GRXCR1: variants seen among roughly 807,000 people sequenced by gnomAD.
The protein encoded by GRXCR1 is glutaredoxin and cysteine rich domain containing 1.
Under a neutral mutation model 27.3 loss-of-function variants are expected in GRXCR1, and 27 were observed. The observed-to-expected ratio is 0.99, with a 90% confidence interval of 0.73 to 1.37. The LOEUF is 1.37. Among genes scored for constraint, GRXCR1 ranks in the 40% most tolerant of loss-of-function variants. The pLI is 0.00. For synonymous variants in GRXCR1, 122 were observed against 131.1 expected (o/e 0.93, Z 0.47); for missense variants, 379 against 354.4 (o/e 1.07, Z -0.56).
chr4:43,019,052 A>G (rs1713019283), intron 2 of GRXCR1, among the ~76,000 whole-genome samples: 1 of 152,212 alleles, frequency 6.6e-6, no homozygotes, highest in African/African-American at 2.4e-5. Flanking sequence ...CTGAAATAAA[A>G]TGGAACCAAG....
intron 2 of GRXCR1, among the ~76,000 whole-genome samples, chr4:43,003,694 T>C (rs1712459617): frequency 6.6e-6 from 1 of 152,172 alleles, no homozygotes; most frequent in Non-Finnish European, 1.5e-5. Context: ...AAATATGATT[T>C]ACAGCATCTG....
At chr4:42,954,599 G>A (rs1265794066) in intron 1 of GRXCR1, among the ~76,000 whole-genome samples, 3 of 152,078 alleles carry the variant, frequency 2.0e-5, no homozygotes, top group Non-Finnish European at 4.4e-5. Flanking sequence ...CATATGTAGA[G>A]TTCCTTTTGC....
At chr4:42,963,277 T>C in intron 2 of GRXCR1, 143 bp downstream of exon 2, 1 of 914,154 alleles carries the variant, frequency 1.1e-6, no homozygotes, top group Non-Finnish European at 1.8e-6. Flanking sequence ...TTGGAGCACT[T>C]ATTTCTGTCC....
intron 2 of GRXCR1, among the ~76,000 whole-genome samples, chr4:42,994,718 GAAGA>G (rs1327062310): frequency 6.6e-6 from 1 of 152,168 alleles, no homozygotes; most frequent in Non-Finnish European, 1.5e-5. Context: ...GAGAGTGAAG[GAAGA>G]CTTTCCTGAG....
At chr4:42,896,777 C>T (rs974775459) in intron 1 of GRXCR1, among the ~76,000 whole-genome samples, 3 of 151,996 alleles carry the variant, frequency 2.0e-5, no homozygotes, top group African/African-American at 7.2e-5. Context: ...CTTATCTCTT[C>T]AATATTTAAT....
chr4:42,964,603 A>C (rs1179766276), intron 2 of GRXCR1, among the ~76,000 whole-genome samples: 1 of 151,872 alleles, frequency 6.6e-6, no homozygotes, highest in East Asian at 1.9e-4. Flanking sequence ...CCTTTGCTCC[A>C]AGTGACAGAG....
chr4:42,924,479 G>T (rs554937313), intron 1 of GRXCR1, among the ~76,000 whole-genome samples: 106 of 152,138 alleles, frequency 7.0e-4, no homozygotes, highest in African/African-American at 2.5e-3. Context: ...TCCGCCCAAG[G>T]TTGTACATTT....
In GRXCR1 at chr4:42,916,474, A is replaced by G. The variant is rs1008239426; in HGVS notation, c.384+22824A>G. Reference sequence around the variant, plus strand: ...GCCTTAACCTTTTGTTGTTTTTCATACCATTGACATTGTGAAAATCATAGG... The same window carrying G: ...GCCTTAACCTTTTGTTGTTTTTCATGCCATTGACATTGTGAAAATCATAGG... On this transcript the variant is annotated intron_variant, in intron 1 of 3. Coordinates refer to ENST00000399770, the MANE Select transcript of GRXCR1 (RefSeq NM_001080476.3). Among the ~76,000 whole-genome samples the G allele has an allele frequency of 4.6e-5, 7 of 152,264 alleles. No individual in the cohort carries two copies. In the South Asian group the frequency reaches 1.5e-3, roughly 32 times the overall value.
chr4:42,996,570 T>A (rs1712167943), intron 2 of GRXCR1, among the ~76,000 whole-genome samples: 1 of 152,136 alleles, frequency 6.6e-6, no homozygotes, highest in Non-Finnish European at 1.5e-5. Flanking sequence ...GTGTATTATG[T>A]AATTCTAGTA....
At chr4:42,936,253 T>C (rs1256721553) in intron 1 of GRXCR1, among the ~76,000 whole-genome samples, 1 of 151,898 alleles carries the variant, frequency 6.6e-6, no homozygotes, top group African/African-American at 2.4e-5. Context: ...TGCTGACATC[T>C]GAGACCACAT....
intron 3 of GRXCR1, among the ~76,000 whole-genome samples, chr4:43,024,109 C>G (rs1713177692): frequency 6.7e-6 from 1 of 148,672 alleles, no homozygotes; most frequent in Admixed American, 6.7e-5. Flanking sequence ...TCCAAGTAAG[C>G]TTTGCCTTGT....
intron 1 of GRXCR1, among the ~76,000 whole-genome samples, chr4:42,913,149 TA>T (rs1298895781): frequency 6.6e-6 from 1 of 152,138 alleles, no homozygotes; most frequent in East Asian, 1.9e-4. Context: ...AAGACTGAAC[TA>T]ATACAATAAA....
intron 3 of GRXCR1, 68 bp from the exon 4 acceptor site, chr4:43,030,293 G>A: frequency 7.0e-7 from 1 of 1,419,146 alleles, no homozygotes; most frequent in Non-Finnish European, 1.0e-6. Flanking sequence ...GAAAGACCGG[G>A]AGGCTGATTG....
intron 1 of GRXCR1, among the ~76,000 whole-genome samples, chr4:42,914,298 G>C (rs1043731655): frequency 6.6e-6 from 1 of 152,212 alleles, no homozygotes; most frequent in African/African-American, 2.4e-5. Flanking sequence ...AAAGCCACAG[G>C]GGTGGAGCTG....
intron 3 of GRXCR1, among the ~76,000 whole-genome samples, chr4:43,021,794 C>A (rs953264540): frequency 6.6e-6 from 1 of 152,082 alleles, no homozygotes; most frequent in Non-Finnish European, 1.5e-5. Flanking sequence ...AAAAGCCATG[C>A]GATACATACA....
At chr4:43,028,915 A>T (rs1713337466) in intron 3 of GRXCR1, among the ~76,000 whole-genome samples, 3 of 152,210 alleles carry the variant, frequency 2.0e-5, no homozygotes, top group Admixed American at 6.5e-5. Context: ...GATTGACAAC[A>T]ACTACTTTCT....
At chr4:42,914,688 TA>T (rs1375954792) in intron 1 of GRXCR1, among the ~76,000 whole-genome samples, 2 of 152,296 alleles carry the variant, frequency 1.3e-5, no homozygotes, top group Non-Finnish European at 2.9e-5. Flanking sequence ...TTTAGGGTTG[TA>T]ATGATATGGC....
In GRXCR1 at chr4:42,949,376, AC is replaced by A. The variant is rs139168527; in HGVS notation, c.385-13515del. Among the ~76,000 whole-genome samples the A allele has an allele frequency of 9.7e-3, 906 of 93,886 alleles. 34 individuals are homozygous for A. The highest frequency in any genetic ancestry group is 0.023 in the Middle Eastern group (3 of 128). The allele number at this position is 93,886 out of a possible 152,430, so 61.6% of individuals were successfully genotyped here. Reference sequence around the variant, plus strand: ...TCTCAAAAAAAAAAAAAAAAAAAAAACAACTTTAAAATTCATAAATCCTGTA... The same window carrying A: ...TCTCAAAAAAAAAAAAAAAAAAAAAAAACTTTAAAATTCATAAATCCTGTA... On this transcript the variant is annotated intron_variant, in intron 1 of 3. Transcript: ENST00000399770.
intron 1 of GRXCR1, among the ~76,000 whole-genome samples, chr4:42,950,460 A>G (rs1560661725): frequency 6.6e-6 from 1 of 152,222 alleles, no homozygotes; most frequent in Non-Finnish European, 1.5e-5. Flanking sequence ...TTTTATCTAC[A>G]GAGATTAGCA....
Sources: allele counts gnomAD v4.1 joint callset (sites outside exome capture counted in the v4.1 genomes callset), GRCh38; gene constraint gnomAD v4.1.1; transcripts MANE v1.5; gene names NCBI Gene and HGNC (gene_info 2026-07-23, HGNC 2026-07-21).